The following P2RY12 variants were observed in gnomAD, a reference collection of about 807,000 sequenced individuals.
P2RY12 encodes the protein purinergic receptor P2Y12.
A neutral mutation model predicts 4.5 loss-of-function variants in P2RY12; 3 were observed. The observed-to-expected ratio is 0.67, with a 90% CI of 0.31 to 1.74. The LOEUF (loss-of-function observed/expected upper bound fraction) is 1.74. Among genes scored for constraint, P2RY12 ranks in the 40% most tolerant of loss-of-function variants. The pLI, the probability that P2RY12 is intolerant of heterozygous loss-of-function variation, is 0.09. For synonymous variants in P2RY12, 148 were observed against 154.1 expected (o/e 0.96, Z 0.29); for missense variants, 356 against 407.8 (o/e 0.87, Z 1.09).
intron 1 of P2RY12, among the ~76,000 whole-genome samples, chr3:151,364,656 G>A (rs769360116): frequency 1.3e-5 from 2 of 152,136 alleles, no homozygotes; most frequent in Non-Finnish European, 2.9e-5. Context: ...AGACACAGTT[G>A]TTGGAAGCCA....
chr3:151,379,133 C>T (rs73158002), intron 1 of P2RY12, among the ~76,000 whole-genome samples: 82 of 152,304 alleles, frequency 5.4e-4, no homozygotes, highest in African/African-American at 1.3e-3. Flanking sequence ...ATTTGTTTTA[C>T]ATCTGGTTGT....
At chr3:151,366,194 A>G (rs1277877527) in intron 1 of P2RY12, among the ~76,000 whole-genome samples, 1 of 152,356 alleles carries the variant, frequency 6.6e-6, no homozygotes, top group East Asian at 1.9e-4. Context: ...AATAGAATGC[A>G]TAGTTTAATC....
intron 1 of P2RY12, among the ~76,000 whole-genome samples, chr3:151,343,456 C>A (rs930424946): frequency 6.6e-6 from 1 of 152,176 alleles, no homozygotes; most frequent in Non-Finnish European, 1.5e-5. Flanking sequence ...TATTTACAAA[C>A]CACCTCTGAT....
rs576131409 is a variant in P2RY12 at position 151,369,308 on chromosome 3, T to A, written c.-180+15384A>T. 322 of 545,348 alleles carry A rather than the reference T, an allele frequency of 5.9e-4. 1 individual carries two copies. In the Middle Eastern group the frequency reaches 6.1e-3, roughly 10 times the overall value. 33.8% of individuals were successfully genotyped at this position (545,348 alleles called of 1,614,324 possible). ...TGTTTCTTAGTGAATCCATGAAGCA[T>A]CAATTAAAGCAAGCTAATGGCAATT... On this transcript the variant is annotated intron_variant, in intron 1 of 2. Transcript: ENST00000302632.
In P2RY12 at chr3:151,363,097, C is replaced by T. The variant is rs113290237; in HGVS notation, c.-180+21595G>A. On this transcript the variant is annotated intron_variant, in intron 1 of 2. Transcript: ENST00000302632. ...GGTAATTCAAGTAACATGCGCTGGG[C>T]GTGGGGTGTGTGGAAATTTAGGGTA... Among the ~76,000 whole-genome samples the T allele has an allele frequency of 1.3e-4, 19 of 151,982 alleles. 2 individuals carry two copies. The highest frequency in any genetic ancestry group is 4.1e-4 in the South Asian group (2 of 4,820).
At chr3:151,341,747 T>G in intron 1 of P2RY12, among the ~76,000 whole-genome samples, 1 of 141,634 alleles carries the variant, frequency 7.1e-6, no homozygotes, top group African/African-American at 2.6e-5. Flanking sequence ...CCCACAACAG[T>G]CCCCAGAGTG....
chr3:151,369,672 C>A, intron 1 of P2RY12: 1 of 604,200 alleles, frequency 1.7e-6, no homozygotes, highest in Non-Finnish European at 2.7e-6. Flanking sequence ...CGCTTATTCT[C>A]CTGGAAAAAT....
chr3:151,359,056 A>C (rs1754294827), intron 1 of P2RY12, among the ~76,000 whole-genome samples: 1 of 152,136 alleles, frequency 6.6e-6, no homozygotes, highest in African/African-American at 2.4e-5. Context: ...CTCAGTAGGT[A>C]GTTTTGCAGA....
chr3:151,351,214 G>A (rs1279888665), intron 1 of P2RY12, among the ~76,000 whole-genome samples: 1 of 152,148 alleles, frequency 6.6e-6, no homozygotes. Context: ...GAAAAATACA[G>A]ATCTTAATAA....
intron 1 of P2RY12, among the ~76,000 whole-genome samples, chr3:151,345,550 T>C (rs1752429959): frequency 6.7e-6 from 1 of 149,060 alleles, no homozygotes; most frequent in Non-Finnish European, 1.5e-5. Flanking sequence ...CAAGTTTTGC[T>C]CTTGTCACCC....
At chr3:151,378,364 A>G (rs62285880) in intron 1 of P2RY12, among the ~76,000 whole-genome samples, 9,440 of 152,266 alleles carry the variant, frequency 0.062, 431 homozygotes, top group Middle Eastern at 0.18. Context: ...TTAATACATT[A>G]GTTCTCAATT....
At position 151,357,215 on chromosome 3, in the gene P2RY12, A is replaced by G. The variant is rs548049694; in HGVS notation, c.-179-16455T>C. 4 of 1,593,014 alleles carry G rather than the reference A, an allele frequency of 2.5e-6. No homozygotes were observed. In the South Asian group the frequency reaches 3.4e-5, roughly 14 times the overall value. The stretch of plus-strand genomic sequence containing the variant: ...TTCAGTCTTTTCTCCTGTTACAGTT[A>G]CTAAATGAACTGAGTGTTGTGGAAG... On this transcript the variant is annotated intron_variant, in intron 1 of 2. Coordinates refer to ENST00000302632, the MANE Select transcript of P2RY12 (RefSeq NM_022788.5).
chr3:151,366,944 G>A (rs1013517619), intron 1 of P2RY12, among the ~76,000 whole-genome samples: 4 of 152,052 alleles, frequency 2.6e-5, no homozygotes, highest in African/African-American at 9.7e-5. Flanking sequence ...CCTTATGGTG[G>A]TGTGCTAATA....
At chr3:151,380,233 T>C (rs999065320) in intron 1 of P2RY12, 1 of 1,506,470 alleles carries the variant, frequency 6.6e-7, no homozygotes. Flanking sequence ...AGGTAAAGTA[T>C]AGTATAATAT....
intron 1 of P2RY12, among the ~76,000 whole-genome samples, chr3:151,358,145 A>AT (rs527273682): frequency 8.8e-4 from 134 of 152,278 alleles, no homozygotes; most frequent in Admixed American, 1.6e-3. Flanking sequence ...ATCAATTTAT[A>AT]TGCTATCCTA....
At chr3:151,350,009 A>C in intron 1 of P2RY12, 3 of 1,577,464 alleles carry the variant, frequency 1.9e-6, no homozygotes, top group Non-Finnish European at 1.7e-6. Flanking sequence ...TATGAAATGC[A>C]ACCCCACCCC....
chr3:151,346,897 T>C (rs1284424006), intron 1 of P2RY12, among the ~76,000 whole-genome samples: 1 of 152,166 alleles, frequency 6.6e-6, no homozygotes. Context: ...AATTCAAAAG[T>C]TCCCTGCTGT....
intron 1 of P2RY12, among the ~76,000 whole-genome samples, chr3:151,352,743 T>A (rs1015933531): frequency 2.6e-5 from 4 of 152,232 alleles, no homozygotes; most frequent in Admixed American, 2.6e-4. Context: ...AGTTCATTTT[T>A]CATTTGCCTT....
At chr3:151,357,162 T>G in intron 1 of P2RY12, 1 of 1,415,648 alleles carries the variant, frequency 7.1e-7, no homozygotes, top group Non-Finnish European at 9.6e-7. Flanking sequence ...AAATGTTTTC[T>G]CTATTTGTTT....
Sources: allele counts gnomAD v4.1 joint callset (sites outside exome capture counted in the v4.1 genomes callset), GRCh38; gene constraint gnomAD v4.1.1; transcripts MANE v1.5; gene names NCBI Gene and HGNC (gene_info 2026-07-23, HGNC 2026-07-21).